Variants in MDGA2 observed in about 807,000 individuals in gnomAD.
MDGA2 encodes the protein MAM domain containing glycosylphosphatidylinositol anchor 2.
Under a neutral mutation model 117.8 loss-of-function variants are expected in MDGA2, and 40 were observed. The observed-to-expected ratio is 0.34, with a 90% CI of 0.26 to 0.44. The LOEUF (loss-of-function observed/expected upper bound fraction) is 0.44, where lower values mean the gene tolerates loss of function less well. MDGA2 is among the 20% of genes least tolerant of loss of function. The pLI is 1.00. For missense variants in MDGA2, 1,123 were observed against 1,250.6 expected (o/e 0.90, Z 1.54); for synonymous variants, 452 against 439.0 (o/e 1.03, Z -0.37).
At chr14:47,383,679 C>A (rs1049356814) in intron 1 of MDGA2, among the ~76,000 whole-genome samples, 2 of 152,016 alleles carry the variant, frequency 1.3e-5, no homozygotes, top group African/African-American at 4.8e-5. Context: ...TTTGAGAGTA[C>A]AGGCACCTGC....
intron 8 of MDGA2, among the ~76,000 whole-genome samples, chr14:46,972,150 A>G (rs1489359254): frequency 6.6e-6 from 1 of 152,106 alleles, no homozygotes; most frequent in African/African-American, 2.4e-5. Context: ...GGGCCAATCT[A>G]GTGGGGCTGA....
At chr14:47,262,174 G>A (rs953055183) in intron 2 of MDGA2, among the ~76,000 whole-genome samples, 28 of 152,118 alleles carry the variant, frequency 1.8e-4, no homozygotes, top group African/African-American at 6.5e-4. Flanking sequence ...AACAGGCTAA[G>A]GCTGAACAAA....
intron 3 of MDGA2, among the ~76,000 whole-genome samples, chr14:47,213,971 G>A (rs947288051): frequency 6.6e-6 from 1 of 152,158 alleles, no homozygotes; most frequent in East Asian, 1.9e-4. Flanking sequence ...CCTTTTTGGC[G>A]AGTAGTAGCC....
intron 3 of MDGA2, among the ~76,000 whole-genome samples, chr14:47,188,482 C>T (rs981610380): frequency 7.9e-5 from 12 of 152,200 alleles, no homozygotes; most frequent in East Asian, 3.9e-4. Flanking sequence ...GAATCTGCCC[C>T]GAGTCAAACT....
chr14:47,161,587 G>C (rs976802082), intron 3 of MDGA2, among the ~76,000 whole-genome samples: 1 of 151,420 alleles, frequency 6.6e-6, no homozygotes, highest in African/African-American at 2.4e-5. Context: ...ATTTTTGAGA[G>C]AATACCCAAG....
At chr14:47,326,856 G>T (rs1057187628) in intron 1 of MDGA2, among the ~76,000 whole-genome samples, 20 of 152,104 alleles carry the variant, frequency 1.3e-4, no homozygotes, top group East Asian at 1.2e-3. Flanking sequence ...TCTCTACAGA[G>T]AAATCATTAA....
At chr14:47,193,457 A>G (rs1186612065) in intron 3 of MDGA2, among the ~76,000 whole-genome samples, 1 of 151,490 alleles carries the variant, frequency 6.6e-6, no homozygotes, top group Non-Finnish European at 1.5e-5. Flanking sequence ...ATACTTCCTT[A>G]TTATTCTGAA....
rs555877981 is a variant in MDGA2, at chr14:47,298,522, A to G, written c.420+2889T>C. Among the ~76,000 whole-genome samples the G allele has an allele frequency of 2.2e-4, 33 of 152,200 alleles. No homozygotes were observed. The South Asian group carries it at 6.4e-3, about 30-fold the overall frequency. On this transcript the variant is annotated intron_variant, in intron 2 of 16. Transcript: ENST00000399232. ...TTATACTCAGATTAGACCAAGCGAG[A>G]AAGTCATTCCAGCTTTCTCATATCA...
At chr14:47,353,482 G>C (rs1053577861) in intron 1 of MDGA2, among the ~76,000 whole-genome samples, 1 of 152,126 alleles carries the variant, frequency 6.6e-6, no homozygotes, top group African/African-American at 2.4e-5. Flanking sequence ...AAATTTGTAT[G>C]TTGAAGTCCT....
chr14:47,028,960 G>A (rs1268598493), intron 8 of MDGA2, among the ~76,000 whole-genome samples: 1 of 151,940 alleles, frequency 6.6e-6, no homozygotes, highest in Non-Finnish European at 1.5e-5. Context: ...TTTGATATCA[G>A]TTTTAGATAA....
intron 3 of MDGA2, 102 bp downstream of exon 3, chr14:47,217,919 T>G: frequency 1.1e-6 from 1 of 927,148 alleles, no homozygotes; most frequent in Non-Finnish European, 1.5e-6. Flanking sequence ...GTTTTCATTC[T>G]CAGCTAAACA....
chr14:47,059,143 G>T (rs757676562), intron 7 of MDGA2: 1 of 850,204 alleles, frequency 1.2e-6, no homozygotes, highest in Non-Finnish European at 1.5e-6. Context: ...TAAAATGAAA[G>T]GTGTATGCAT....
intron 1 of MDGA2, among the ~76,000 whole-genome samples, chr14:47,485,154 A>G (rs940984655): frequency 2.4e-4 from 36 of 152,256 alleles, no homozygotes; most frequent in African/African-American, 8.4e-4. Flanking sequence ...GACTTGTTGA[A>G]TGGCTTTGAG....
chr14:47,134,194 A>C (rs1439268457), intron 4 of MDGA2, among the ~76,000 whole-genome samples: 1 of 152,006 alleles, frequency 6.6e-6, no homozygotes, highest in Admixed American at 6.6e-5. Flanking sequence ...CAGAGAGTAG[A>C]GATTATGTCT....
chr14:47,469,436 A>C (rs1893673657), intron 1 of MDGA2, among the ~76,000 whole-genome samples: 1 of 152,154 alleles, frequency 6.6e-6, no homozygotes, highest in African/African-American at 2.4e-5. Context: ...TAGTTTGCTG[A>C]GAATGATGGT....
intron 1 of MDGA2, among the ~76,000 whole-genome samples, chr14:47,372,702 T>G (rs1421921286): frequency 2.6e-5 from 4 of 151,918 alleles, no homozygotes; most frequent in Non-Finnish European, 5.9e-5. Context: ...TCATCCTAAT[T>G]TGGGGAATCT....
At chr14:46,943,161 C>T (rs1885058044) in intron 9 of MDGA2, among the ~76,000 whole-genome samples, 1 of 152,016 alleles carries the variant, frequency 6.6e-6, no homozygotes, top group Admixed American at 6.6e-5. Flanking sequence ...CTCGTAATTA[C>T]TCTATCTTGA....
At chr14:46,846,849 G>A (rs1880861209) in intron 15 of MDGA2, among the ~76,000 whole-genome samples, 1 of 152,082 alleles carries the variant, frequency 6.6e-6, no homozygotes, top group South Asian at 2.1e-4. Flanking sequence ...TTAATAAAGA[G>A]CTGTTTCTAA....
At chr14:47,560,446 CTCTTA>C (rs1895777734) in intron 1 of MDGA2, among the ~76,000 whole-genome samples, 1 of 152,104 alleles carries the variant, frequency 6.6e-6, no homozygotes, top group African/African-American at 2.4e-5. Context: ...ATTTGCATTT[CTCTTA>C]TAATTAGTGA....
Sources: allele counts gnomAD v4.1 joint callset (sites outside exome capture counted in the v4.1 genomes callset), GRCh38; gene constraint gnomAD v4.1.1; transcripts MANE v1.5; gene names NCBI Gene and HGNC (gene_info 2026-07-23, HGNC 2026-07-21).